SLC12A1: variants seen among roughly 807,000 people sequenced by gnomAD.
SLC12A1 encodes Na-K-2Cl cotransporter.
A neutral mutation model predicts 130.4 loss-of-function variants in SLC12A1; 89 were observed. That is an observed-to-expected ratio of 0.68 (90% CI 0.58 to 0.81). SLC12A1 has a LOEUF of 0.81. Among genes scored for constraint, SLC12A1 ranks in the 40% least tolerant of loss-of-function variants. The pLI is 0.00. For synonymous variants in SLC12A1, 499 were observed against 460.0 expected (o/e 1.08, Z -1.09); for missense variants, 1,310 against 1,336.4 (o/e 0.98, Z 0.31).
chr15:48,269,261 C>T (rs1418246196), intron 18 of SLC12A1, among the ~76,000 whole-genome samples: 1 of 152,134 alleles, frequency 6.6e-6, no homozygotes, highest in African/African-American at 2.4e-5. Flanking sequence ...ATTTTCCAAA[C>T]ATGGATTTTA....
intron 9 of SLC12A1, among the ~76,000 whole-genome samples, chr15:48,240,072 CATATAT>C (rs1431987341): frequency 3.8e-5 from 2 of 52,090 alleles, no homozygotes; most frequent in South Asian, 5.4e-4. Flanking sequence ...TATATATATC[CATATAT>C]ATATATATAT....
rs1052861363 is a variant in SLC12A1, at chr15:48,303,572, A to G, written c.*687A>G. 3 of 152,224 alleles carry G rather than the reference A, an allele frequency of 2.0e-5. No homozygotes were observed. The highest frequency in any genetic ancestry group is 7.2e-5 in the African/African-American group (3 of 41,458). The allele number at this position is 152,224 out of a possible 1,614,324, so 9.4% of individuals were successfully genotyped here. On this transcript the variant is annotated 3_prime_UTR_variant, in exon 27 of 27. Transcript: ENST00000380993. ...AAATTTGCTGCTGCCTGAAAAGTAT[A>G]TTAACTAGATTAGAAGACACCATAT...
Position 48,303,028 on chromosome 15 carries a change from T to A in SLC12A1, c.*143T>A. The stretch of plus-strand genomic sequence containing the variant: ...CCAGATTCTACATACATTGCATAAT[T>A]TTTATCAGTTAATGCGAGCTTTTTT... On this transcript the variant is annotated 3_prime_UTR_variant, in exon 27 of 27. Transcript: ENST00000380993. 1.7e-6 allele frequency: 1 copy of A among 584,922 alleles called. No individual in the cohort carries two copies. Among genetic ancestry groups the A allele is most frequent in the South Asian group, 3.8e-5 (1 of 25,982 alleles). 36.2% of individuals were successfully genotyped at this position (584,922 alleles called of 1,614,324 possible).
intron 5 of SLC12A1, chr15:48,227,379 A>G (rs2041303682): frequency 3.4e-6 from 2 of 587,918 alleles, no homozygotes. Flanking sequence ...TTGTAACAAA[A>G]CATGTTTATA....
intron 7 of SLC12A1, among the ~76,000 whole-genome samples, chr15:48,231,391 G>T (rs945393692): frequency 6.6e-6 from 1 of 152,164 alleles, no homozygotes; most frequent in Non-Finnish European, 1.5e-5. Context: ...AGTATCAACA[G>T]GACACTGTGA....
chr15:48,295,213 CCCA>C (rs2042165104), intron 24 of SLC12A1, among the ~76,000 whole-genome samples: 1 of 151,962 alleles, frequency 6.6e-6, no homozygotes, highest in African/African-American at 2.4e-5. Context: ...CCTGGCCTCA[CCCA>C]CTTCTTGTAG....
At chr15:48,291,380 TATG>T (rs529215178) in intron 23 of SLC12A1, among the ~76,000 whole-genome samples, 3 of 151,796 alleles carry the variant, frequency 2.0e-5, no homozygotes, top group Non-Finnish European at 4.4e-5. Flanking sequence ...TGATATATTG[TATG>T]ATAACTGTTT....
At chr15:48,234,711 C>G (rs2041419617) in intron 8 of SLC12A1, among the ~76,000 whole-genome samples, 166 bp from the exon 9 acceptor site, 1 of 151,808 alleles carries the variant, frequency 6.6e-6, no homozygotes, top group Admixed American at 6.6e-5. Context: ...TGAGATCGTG[C>G]CATTGCACTC....
At chr15:48,269,438 A>G (rs531246253) in intron 18 of SLC12A1, among the ~76,000 whole-genome samples, 13 of 152,316 alleles carry the variant, frequency 8.5e-5, no homozygotes, top group African/African-American at 2.6e-4. Context: ...GAAAAGCTAC[A>G]TTTCTGTCAT....
intron 4 of SLC12A1, among the ~76,000 whole-genome samples, chr15:48,221,617 G>T (rs1002348916): frequency 1.3e-5 from 2 of 152,032 alleles, no homozygotes; most frequent in Non-Finnish European, 2.9e-5. Context: ...ATTATTTTGA[G>T]TGGTTGTTTA....
Position 48,268,490 on chromosome 15 carries a change from G to T in SLC12A1, c.2295+789G>T, listed in dbSNP as rs144159972. Among the ~76,000 whole-genome samples the T allele has an allele frequency of 4.8e-3, 731 of 152,242 alleles. 8 individuals carry two copies. Among genetic ancestry groups the T allele is most frequent in the Middle Eastern group, 0.044 (13 of 294 alleles). On this transcript the variant is annotated intron_variant, in intron 18 of 26. Transcript: ENST00000380993. ...GTTACTGTATTTCAGAGTGTCAGAA[G>T]TCAGAACTGCATCCAGGTAACTCAG...
intron 25 of SLC12A1, 113 bp downstream of exon 25, chr15:48,299,388 G>A (rs1486039585): frequency 1.1e-5 from 11 of 963,250 alleles, no homozygotes; most frequent in Non-Finnish European, 1.6e-5. Flanking sequence ...CATTATTCAA[G>A]ATCCAAGCTT....
At chr15:48,220,892 T>C in intron 3 of SLC12A1, 29 bp from the exon 4 acceptor site, 1 of 1,613,468 alleles carries the variant, frequency 6.2e-7, no homozygotes, top group Non-Finnish European at 8.5e-7. Flanking sequence ...GTTTGTCCTG[T>C]CTCCTTTCAA....
rs201740776 is a variant in SLC12A1 at position 48,244,833 on chromosome 15, T to C, written c.1381T>C (p.Cys461Arg). 5.0e-6 allele frequency: 8 copies of C among 1,613,846 alleles called. No individual in the cohort carries two copies. The highest frequency in any genetic ancestry group is 1.3e-5 in the African/African-American group (1 of 75,028). ...GATGAACTGCAATGGTTCAGCAGCA[T>C]GTGGGTTGGGCTATGACTTCTCAAG... is the stretch of plus-strand genomic sequence containing the variant. The part of the protein sequence containing the change: ...SGMNCNGSAA[C>R]GLGYDFSRCR... Residue 461 changes from cysteine (C) to arginine (R), a missense_variant, in exon 11 of 27, where the codon TGT (cysteine) becomes CGT (arginine). Cys to Arg is a radical substitution (Grantham distance 180, BLOSUM62 -3). Coordinates refer to ENST00000380993, the MANE Select transcript of SLC12A1 (RefSeq NM_000338.3).
chr15:48,227,262 T>A (rs1460416017), intron 5 of SLC12A1: 1 of 974,722 alleles, frequency 1.0e-6, no homozygotes, highest in African/African-American at 1.6e-5. Flanking sequence ...AGTAACATAT[T>A]GCTAATTAGT....
Position 48,246,915 on chromosome 15 carries a change from A to G in SLC12A1, c.1459A>G (p.Ser487Gly). 1 of 1,612,628 alleles carries G rather than the reference A, an allele frequency of 6.2e-7. No homozygotes were observed. Residue 487 changes from serine (S) to glycine (G), a missense_variant, in exon 12 of 27, where the codon AGC becomes GGC. Coordinates refer to ENST00000380993, the MANE Select transcript of SLC12A1 (RefSeq NM_000338.3). ...TTGTACCTCTCTTCTCAAGGTCATG[A>G]GCATGGTATCAGGGTTCGGCCCCCT... ...YGLMNNFQVM[S>G]MVSGFGPLIT...
rs1244275387 is a variant in SLC12A1 at position 48,267,690 on chromosome 15, A to G, written c.2284A>G (p.Ser762Gly). Residue 762 changes from serine to glycine, a missense_variant, in exon 18 of 27, where the codon AGT becomes GGT. Physicochemically the swap from Ser to Gly is moderately conservative, Grantham distance 56. Transcript: ENST00000380993. ...AGACTGTTTCAGGGATGGTGTCCGA[A>G]GTCTTCTTCAGGTAAGGCTGCATTG... ...AADCFRDGVRSLLQASGLGRM... is the reference protein window; with the variant it reads ...AADCFRDGVRGLLQASGLGRM... 6.2e-7 allele frequency: 1 copy of G among 1,613,348 alleles called. No homozygotes were observed. Among genetic ancestry groups the G allele is most frequent in the Admixed American group, 1.7e-5 (1 of 60,000 alleles).
chr15:48,269,708 G>T lies in SLC12A1; in HGVS notation c.2346G>T (p.Lys782Asn), dbSNP rs374085342. 9.3e-6 allele frequency: 15 copies of T among 1,612,280 alleles called. No homozygotes were observed. The African/African-American group carries it at 1.9e-4, about 20-fold the overall frequency. The change falls in exon 19 of 27, where the codon AAG becomes AAT. Residue 782 changes from lysine (K) to asparagine (N), a missense_variant. Coordinates refer to ENST00000380993, the MANE Select transcript of SLC12A1 (RefSeq NM_000338.3). ...CAAACACTCTGGTGATTGGATATAA[G>T]AAAAACTGGAGGAAAGCTCCCTTGA... ...MKPNTLVIGY[K>N]KNWRKAPLTE...
rs113779890 is a variant in SLC12A1, at chr15:48,263,775, C to T, written c.2155-3786C>T. 5.9e-5 allele frequency among the ~76,000 whole-genome samples: 9 copies of T among 152,150 alleles called. No individual in the cohort carries two copies. In the South Asian group the frequency reaches 1.9e-3, roughly 32 times the overall value. On this transcript the variant is annotated intron_variant, in intron 17 of 26. Transcript: ENST00000380993. Reference sequence around the variant, plus strand: ...TGGCGCAATCATAGCTCACTGCAGCCTTGAGCTCCCAGGCTCAAGCAATCC... The same window carrying T: ...TGGCGCAATCATAGCTCACTGCAGCTTTGAGCTCCCAGGCTCAAGCAATCC...
Sources: gnomAD v4.1 joint callset for allele counts (sites outside exome capture counted in the v4.1 genomes callset) on GRCh38, gnomAD v4.1.1 for gene constraint, MANE v1.5 for transcripts, NCBI Gene and HGNC (gene_info 2026-07-23, HGNC 2026-07-21) for gene names.